Variants in KCTD16 observed in about 807,000 individuals in gnomAD.
The protein encoded by KCTD16 is potassium channel tetramerization domain containing 16, also known as BTB/POZ domain-containing protein KCTD16.
A neutral mutation model predicts 33.2 loss-of-function variants in KCTD16; 13 were observed. The observed-to-expected ratio is 0.39, with a 90% CI of 0.25 to 0.62. The LOEUF is 0.62. KCTD16 is among the 20% of genes least tolerant of loss of function. The probability of loss-of-function intolerance (pLI) is 0.50; values close to 1 mark genes in which losing one functional copy is unlikely to be tolerated. For synonymous variants in KCTD16, 197 were observed against 195.3 expected (o/e 1.01, Z -0.07); for missense variants, 441 against 525.1 (o/e 0.84, Z 1.57).
chr5:144,299,898 T>TAAAAAA (rs66821172), intron 3 of KCTD16, among the ~76,000 whole-genome samples: 5 of 128,882 alleles, frequency 3.9e-5, no homozygotes, highest in Non-Finnish European at 6.5e-5. Flanking sequence ...CAGAATCATT[T>TAAAAAA]AAAAAAAAAA....
At chr5:144,227,907 T>A (rs73794909) in intron 3 of KCTD16, among the ~76,000 whole-genome samples, 6,747 of 152,174 alleles carry the variant, frequency 0.044, 492 homozygotes, top group African/African-American at 0.15. Context: ...AAGAATGGAG[T>A]TACTGCTAAT....
intron 3 of KCTD16, among the ~76,000 whole-genome samples, chr5:144,389,154 C>T (rs1752395903): frequency 6.6e-6 from 1 of 152,084 alleles, no homozygotes; most frequent in African/African-American, 2.4e-5. Flanking sequence ...GCTATGTGAG[C>T]AAGTCATTAG....
At chr5:144,461,741 C>T (rs908322690) in intron 3 of KCTD16, among the ~76,000 whole-genome samples, 2 of 152,222 alleles carry the variant, frequency 1.3e-5, no homozygotes, top group African/African-American at 4.8e-5. Context: ...GCCACCCTCA[C>T]ACTCACTCTT....
At chr5:144,340,181 G>A (rs558753418) in intron 3 of KCTD16, among the ~76,000 whole-genome samples, 3 of 152,034 alleles carry the variant, frequency 2.0e-5, no homozygotes, top group Admixed American at 6.6e-5. Flanking sequence ...TTGGGAGGCC[G>A]AGATGGGTGG....
At position 144,478,007 on chromosome 5, in the gene KCTD16, A is replaced by G. The variant is rs531768283; in HGVS notation, c.*3893A>G. On this transcript the variant is annotated 3_prime_UTR_variant, in exon 4 of 4. Coordinates refer to ENST00000512467, the MANE Select transcript of KCTD16 (RefSeq NM_020768.4). ...CCTTATGGTGACTCTGTGGCAGATA[A>G]ATGTTTTTGCCAATTTGCATGCTGG... The G allele has an allele frequency of 6.6e-6, 1 of 152,178 alleles. No individual in the cohort carries two copies. The highest frequency in any genetic ancestry group is 2.1e-4 in the South Asian group (1 of 4,820). 9.4% of individuals were successfully genotyped at this position (152,178 alleles called of 1,614,324 possible).
intron 3 of KCTD16, among the ~76,000 whole-genome samples, chr5:144,354,833 ATTCTAGGGTTTAACT>A (rs1751537139): frequency 6.6e-6 from 1 of 152,176 alleles, no homozygotes; most frequent in African/African-American, 2.4e-5. Flanking sequence ...ATAGACTGCT[ATTCTAGGGTTTAACT>A]TTCAAATTTT....
chr5:144,237,390 C>A (rs1754283846), intron 3 of KCTD16, among the ~76,000 whole-genome samples: 1 of 152,010 alleles, frequency 6.6e-6, no homozygotes, highest in African/African-American at 2.4e-5. Flanking sequence ...AGGATTTAAA[C>A]CTATGTTTAT....
chr5:144,432,000 G>A (rs57358361), intron 3 of KCTD16, among the ~76,000 whole-genome samples: 12,551 of 152,042 alleles, frequency 0.083, 1,713 homozygotes, highest in African/African-American at 0.28. Context: ...ATTTTCTAAT[G>A]CAATGAAAAG....
intron 3 of KCTD16, among the ~76,000 whole-genome samples, chr5:144,432,415 C>A (rs1753484369): frequency 6.6e-6 from 1 of 152,156 alleles, no homozygotes; most frequent in Non-Finnish European, 1.5e-5. Flanking sequence ...TTCTCAAAGT[C>A]ATCTAGCTAG....
At chr5:144,441,860 A>G (rs1753718626) in intron 3 of KCTD16, among the ~76,000 whole-genome samples, 1 of 151,244 alleles carries the variant, frequency 6.6e-6, no homozygotes, top group South Asian at 2.1e-4. Flanking sequence ...ATTTCTGCAA[A>G]AAAAAAAAAA....
At chr5:144,409,170 T>C (rs1357648117) in intron 3 of KCTD16, among the ~76,000 whole-genome samples, 2 of 152,226 alleles carry the variant, frequency 1.3e-5, no homozygotes, top group African/African-American at 4.8e-5. Context: ...TTTCCATCAC[T>C]GAACAGAGTT....
At chr5:144,420,771 T>C (rs1340601960) in intron 3 of KCTD16, among the ~76,000 whole-genome samples, 1 of 152,096 alleles carries the variant, frequency 6.6e-6, no homozygotes, top group Non-Finnish European at 1.5e-5. Context: ...CCTCAGCATA[T>C]CCTGGAGGTC....
chr5:144,297,870 GCT>G (rs1157096480), intron 3 of KCTD16, among the ~76,000 whole-genome samples: 1 of 152,208 alleles, frequency 6.6e-6, no homozygotes, highest in African/African-American at 2.4e-5. Context: ...TTGTATGGGA[GCT>G]CTGTTTTCAC....
At chr5:144,186,040 G>T (rs1752718365) in intron 2 of KCTD16, among the ~76,000 whole-genome samples, 1 of 152,114 alleles carries the variant, frequency 6.6e-6, no homozygotes, top group Non-Finnish European at 1.5e-5. Context: ...AACTCCAAGT[G>T]AGCTTCAGAA....
At chr5:144,246,576 C>G (rs1754554342) in intron 3 of KCTD16, among the ~76,000 whole-genome samples, 2 of 152,034 alleles carry the variant, frequency 1.3e-5, no homozygotes, top group Non-Finnish European at 2.9e-5. Context: ...TTAGGAGAAA[C>G]TGGATATAGG....
At chr5:144,420,063 A>C (rs558168995) in intron 3 of KCTD16, among the ~76,000 whole-genome samples, 4 of 152,306 alleles carry the variant, frequency 2.6e-5, no homozygotes, top group African/African-American at 9.6e-5. Context: ...TCAGGTACTA[A>C]GTACTGTTCT....
At chr5:144,340,822 G>T (rs904788317) in intron 3 of KCTD16, among the ~76,000 whole-genome samples, 2 of 152,054 alleles carry the variant, frequency 1.3e-5, no homozygotes, top group Admixed American at 1.3e-4. Flanking sequence ...GGCCGAGGCA[G>T]ATGGATCACC....
chr5:144,186,063 T>G (rs1752718720), intron 2 of KCTD16, among the ~76,000 whole-genome samples: 2 of 152,192 alleles, frequency 1.3e-5, no homozygotes, highest in Non-Finnish European at 2.9e-5. Flanking sequence ...TCTTCTGTAT[T>G]CTAACATTTG....
chr5:144,191,929 A>C (rs577979694), intron 2 of KCTD16, among the ~76,000 whole-genome samples: 17 of 152,104 alleles, frequency 1.1e-4, no homozygotes, highest in Non-Finnish European at 2.2e-4. Context: ...TTCTTTCACC[A>C]TTCATGCTGT....
Sources: gnomAD v4.1 joint callset for allele counts (sites outside exome capture counted in the v4.1 genomes callset) on GRCh38, gnomAD v4.1.1 for gene constraint, MANE v1.5 for transcripts, NCBI Gene and HGNC (gene_info 2026-07-23, HGNC 2026-07-21) for gene names.